Variants in DNAH5 observed in about 807,000 individuals in gnomAD.
DNAH5 encodes the protein dynein axonemal heavy chain 5, also known as axonemal beta dynein heavy chain 5.
A neutral mutation model predicts 518.2 loss-of-function variants in DNAH5; 372 were observed. That is an observed-to-expected ratio of 0.72 (90% confidence interval 0.66 to 0.78). DNAH5 has a LOEUF of 0.78. Among genes scored for constraint, DNAH5 ranks in the 30% least tolerant of loss-of-function variants. The probability of loss-of-function intolerance (pLI) is 0.00; values close to 1 mark genes in which losing one functional copy is unlikely to be tolerated. For missense variants in DNAH5, 5,523 were observed against 5,687.0 expected (o/e 0.97, Z 0.93); for synonymous variants, 2,039 against 2,025.9 (o/e 1.01, Z -0.17).
chr5:13,802,419 T>C (rs895866020), intron 47 of DNAH5, among the ~76,000 whole-genome samples: 12 of 152,340 alleles, frequency 7.9e-5, no homozygotes, highest in Admixed American at 5.9e-4. Flanking sequence ...TCAGCTTTTA[T>C]AATTCCTAGA....
At chr5:13,972,608 T>A (rs565259246) in intron 1 of DNAH5, among the ~76,000 whole-genome samples, 2 of 152,288 alleles carry the variant, frequency 1.3e-5, no homozygotes, top group South Asian at 4.1e-4. Context: ...ATCTGGACCT[T>A]CAGGTTCCGC....
chr5:13,777,417 G>C, intron 53 of DNAH5, 62 bp from the exon 54 acceptor site: 1 of 1,495,764 alleles, frequency 6.7e-7, no homozygotes, highest in South Asian at 1.1e-5. Flanking sequence ...AAAGAACCTT[G>C]TAACAACGCA....
chr5:13,949,345 ACT>A (rs991401628), upstream of DNAH5, among the ~76,000 whole-genome samples: 7 of 152,198 alleles, frequency 4.6e-5, no homozygotes, highest in African/African-American at 1.4e-4. Flanking sequence ...AAAAGAAAAA[ACT>A]CATAATAAAA....
intron 78 of DNAH5, among the ~76,000 whole-genome samples, chr5:13,696,994 A>T (rs959634797): frequency 6.6e-6 from 1 of 152,224 alleles, no homozygotes; most frequent in African/African-American, 2.4e-5. Flanking sequence ...TGCCAGTATT[A>T]TAAAATTATT....
intron 52 of DNAH5, among the ~76,000 whole-genome samples, chr5:13,785,610 C>T (rs1381849607): frequency 6.6e-6 from 1 of 152,182 alleles, no homozygotes; most frequent in Non-Finnish European, 1.5e-5. Flanking sequence ...CACCACTGAT[C>T]TCCACAATGC....
Position 13,758,822 on chromosome 5 carries a change from C to T in DNAH5, c.10419+24G>A, listed in dbSNP as rs1411565166. 3 of 1,613,900 alleles carry T rather than the reference C, an allele frequency of 1.9e-6. No individual in the cohort carries two copies. In the Admixed American group the frequency reaches 5.0e-5, roughly 27 times the overall value. On this transcript the variant is annotated intron_variant, in intron 61 of 78. Coordinates refer to ENST00000265104, the MANE Select transcript of DNAH5 (RefSeq NM_001369.3). ...GAAGCCGTGTAGATATGTGACAGTC[C>T]CTGCCATGACAAAGGGCAGTTACCT... is the stretch of plus-strand genomic sequence containing the variant.
At chr5:13,996,083 G>A (rs1241059242) in intron 1 of DNAH5, among the ~76,000 whole-genome samples, 1 of 152,150 alleles carries the variant, frequency 6.6e-6, no homozygotes, top group Non-Finnish European at 1.5e-5. Flanking sequence ...TTTGGTTGAC[G>A]AGATTCCAAT....
chr5:13,861,172 T>C (rs1768364506), intron 29 of DNAH5, among the ~76,000 whole-genome samples: 1 of 152,204 alleles, frequency 6.6e-6, no homozygotes, highest in Non-Finnish European at 1.5e-5. Flanking sequence ...AATTTTTACT[T>C]AATTTACATG....
intron 22 of DNAH5, among the ~76,000 whole-genome samples, chr5:13,872,173 ATTC>A (rs1276670018): frequency 6.6e-6 from 1 of 152,170 alleles, no homozygotes; most frequent in Non-Finnish European, 1.5e-5. Context: ...CTCCTCCAAG[ATTC>A]TTCATTGACT....
intron 24 of DNAH5, among the ~76,000 whole-genome samples, chr5:13,869,135 C>T (rs1212113162): frequency 3.9e-5 from 6 of 152,012 alleles, no homozygotes; most frequent in Non-Finnish European, 7.4e-5. Context: ...CCATGTGATC[C>T]CCCTGGCCCA....
intron 30 of DNAH5, among the ~76,000 whole-genome samples, chr5:13,854,302 TA>T (rs879427469): frequency 3.9e-5 from 6 of 152,144 alleles, no homozygotes; most frequent in Admixed American, 3.9e-4. Context: ...TAAAATCCTT[TA>T]AAGACAAGCA....
Position 13,922,314 on chromosome 5 carries a change from G to A in DNAH5, c.453C>T (p.Asn151=). Residue 151 remains asparagine, a synonymous_variant, in exon 5 of 79, where the codon AAC becomes AAT. Transcript: ENST00000265104. The part of the protein sequence containing the change: ...PDNIHQEVSF[N]MLDAADGGLL... ...GGCCTCCATCTGCCGCATCTAACAT[G>A]TTAAAACTCACCTCCTGGAAAACAG... The A allele has an allele frequency of 1.2e-6, 2 of 1,613,806 alleles. No homozygotes were observed. Among genetic ancestry groups the A allele is most frequent in the Non-Finnish European group, 1.7e-6 (2 of 1,179,826 alleles).
chr5:13,725,663 A>ATT (rs374909179), intron 70 of DNAH5, among the ~76,000 whole-genome samples: 1 of 149,790 alleles, frequency 6.7e-6, no homozygotes, highest in Non-Finnish European at 1.5e-5. Flanking sequence ...TTTGTTGAGT[A>ATT]TTTTTTTTTT....
chr5:13,727,495 T>G lies in DNAH5; in HGVS notation c.12033+12A>C, dbSNP rs370101876. 1 of 1,609,134 alleles carries G rather than the reference T, an allele frequency of 6.2e-7. No individual in the cohort carries two copies. Among genetic ancestry groups the G allele is most frequent in the Non-Finnish European group, 8.5e-7 (1 of 1,176,878 alleles). Reference sequence around the variant, plus strand: ...TATTCTCTCATTTTTCTCTTTAATATGGACTTTTTACCTGGGCGATGGTTC... The same window carrying G: ...TATTCTCTCATTTTTCTCTTTAATAGGGACTTTTTACCTGGGCGATGGTTC... On this transcript the variant is annotated intron_variant, in intron 70 of 78. Transcript: ENST00000265104.
chr5:13,831,124 G>A (rs977223750), intron 35 of DNAH5, among the ~76,000 whole-genome samples: 19 of 151,996 alleles, frequency 1.3e-4, no homozygotes, highest in African/African-American at 2.7e-4. Flanking sequence ...CAACATTTTC[G>A]CAGAAATCTA....
intron 3 of DNAH5, 107 bp from the exon 4 acceptor site, chr5:13,923,547 A>G: frequency 7.8e-7 from 1 of 1,280,500 alleles, no homozygotes; most frequent in South Asian, 1.2e-5. Flanking sequence ...TGACTTGTCC[A>G]TGTGCCTTAG....
At chr5:13,729,337 C>T (rs954434390) in intron 69 of DNAH5, 102 bp downstream of exon 69, 6 of 1,486,170 alleles carry the variant, frequency 4.0e-6, no homozygotes, top group Non-Finnish European at 5.6e-6. Context: ...TTAAGAGTGA[C>T]AATATTAAGA....
chr5:13,729,322 C>T, intron 69 of DNAH5, 117 bp downstream of exon 69: 1 of 1,396,984 alleles, frequency 7.2e-7, no homozygotes, highest in Non-Finnish European at 1.0e-6. Flanking sequence ...ACATGTAATA[C>T]CATTTTAAGA....
At chr5:13,932,609 T>C (rs1778529241) in intron 1 of DNAH5, among the ~76,000 whole-genome samples, 3 of 152,230 alleles carry the variant, frequency 2.0e-5, no homozygotes, top group Admixed American at 1.3e-4. Flanking sequence ...AACTGTTATG[T>C]AAAATCCACG....
Sources: gnomAD v4.1 joint callset for allele counts (sites outside exome capture counted in the v4.1 genomes callset) on GRCh38, gnomAD v4.1.1 for gene constraint, MANE v1.5 for transcripts, NCBI Gene and HGNC (gene_info 2026-07-23, HGNC 2026-07-21) for gene names.